SND1: variants seen among roughly 807,000 people sequenced by gnomAD.
SND1 encodes the protein staphylococcal nuclease and tudor domain containing 1.
A neutral mutation model predicts 121.7 loss-of-function variants in SND1; 38 were observed. That is an observed-to-expected ratio of 0.31 (90% CI 0.24 to 0.41). SND1 has a LOEUF of 0.41. SND1 is among the 10% of genes least tolerant of loss of function. SND1 has a pLI of 1.00. For synonymous variants in SND1, 401 were observed against 447.4 expected (o/e 0.90, Z 1.31); for missense variants, 868 against 1,184.6 (o/e 0.73, Z 3.92).
Position 127,977,587 on chromosome 7 carries a change from G to A in SND1, c.1670-13360G>A, listed in dbSNP as rs554818310. On this transcript the variant is annotated intron_variant, in intron 15 of 23. Coordinates refer to ENST00000354725, the MANE Select transcript of SND1 (RefSeq NM_014390.4). ...ATTAATCTGGTAGTAGATTAAGCTG[G>A]TAGTGTGTATAAAGAATAGTATGGT... Among the ~76,000 whole-genome samples, 21 of 152,264 alleles carry A rather than the reference G, an allele frequency of 1.4e-4. No homozygotes were observed. The South Asian group carries it at 4.1e-3, about 30-fold the overall frequency.
intron 9 of SND1, among the ~76,000 whole-genome samples, chr7:127,708,256 C>CT (rs1350553104): frequency 6.6e-6 from 1 of 152,056 alleles, no homozygotes; most frequent in East Asian, 1.9e-4. Context: ...GTAAACTAAC[C>CT]TAAGCAAAAG....
At chr7:127,686,196 T>C (rs1224385365) in intron 1 of SND1, among the ~76,000 whole-genome samples, 2 of 152,328 alleles carry the variant, frequency 1.3e-5, no homozygotes, top group South Asian at 2.1e-4. Context: ...GGCCACAGCT[T>C]CCCCTTTTCC....
chr7:127,931,896 A>G (rs1275822189), intron 15 of SND1, among the ~76,000 whole-genome samples: 3 of 151,444 alleles, frequency 2.0e-5, no homozygotes, highest in African/African-American at 4.9e-5. Flanking sequence ...TACTGCTCAG[A>G]AAAAAAAAGA....
intron 10 of SND1, among the ~76,000 whole-genome samples, chr7:127,752,341 T>C (rs553441329): frequency 6.8e-4 from 104 of 152,366 alleles, no homozygotes; most frequent in Non-Finnish European, 1.1e-3. Flanking sequence ...GTAATGCTTA[T>C]GTTCATCAGC....
chr7:127,833,410 A>G (rs1046970738), intron 11 of SND1, among the ~76,000 whole-genome samples: 4 of 151,838 alleles, frequency 2.6e-5, no homozygotes, highest in African/African-American at 9.7e-5. Context: ...GACTAAAGGC[A>G]CATACCACCA....
intron 15 of SND1, among the ~76,000 whole-genome samples, chr7:127,968,791 A>G (rs1801911813): frequency 6.6e-6 from 1 of 152,332 alleles, no homozygotes; most frequent in South Asian, 2.1e-4. Context: ...AACAGATCCA[A>G]CATCTCCTGA....
chr7:127,833,970 G>GT (rs146414745), intron 11 of SND1, among the ~76,000 whole-genome samples: 8,522 of 148,966 alleles, frequency 0.057, 674 homozygotes, highest in African/African-American at 0.18. Context: ...TTGTAAGTAA[G>GT]TTTTTTTTTT....
intron 10 of SND1, among the ~76,000 whole-genome samples, chr7:127,784,969 AGT>A: frequency 6.6e-6 from 1 of 152,130 alleles, no homozygotes; most frequent in East Asian, 1.9e-4. Context: ...CACAAGCTGG[AGT>A]GCAGTGGCAC....
At chr7:128,038,364 C>G (rs998076517) in intron 16 of SND1, among the ~76,000 whole-genome samples, 3 of 152,252 alleles carry the variant, frequency 2.0e-5, no homozygotes, top group African/African-American at 7.2e-5. Context: ...CTGCCTCTTA[C>G]ATACCGCGTA....
chr7:127,755,536 A>G (rs1436524431), intron 10 of SND1, among the ~76,000 whole-genome samples: 1 of 152,186 alleles, frequency 6.6e-6, no homozygotes, highest in Non-Finnish European at 1.5e-5. Flanking sequence ...ACCTCTCAAA[A>G]TATAATTCTG....
At position 128,092,008 on chromosome 7, in the gene SND1, T is replaced by C; in HGVS notation, c.2683T>C (p.Tyr895His). 1 of 1,614,146 alleles carries C rather than the reference T, an allele frequency of 6.2e-7. No homozygotes were observed. The highest frequency in any genetic ancestry group is 8.5e-7 in the Non-Finnish European group (1 of 1,179,988). Reference sequence around the variant, plus strand: ...TTTCTTACAGCTGAACCTGTGGCGCTATGGAGACTTTCGAGCTGATGATGC... The same window carrying C: ...TTTCTTACAGCTGAACCTGTGGCGCCATGGAGACTTTCGAGCTGATGATGC... ...AKSARLNLWR[Y>H]GDFRADDADE... Residue 895 changes from tyrosine (Y) to histidine (H), a missense_variant, in exon 24 of 24, where the codon TAT becomes CAT. By Grantham distance (83) the Tyr-to-His change is moderately conservative. Coordinates refer to ENST00000354725, the MANE Select transcript of SND1 (RefSeq NM_014390.4). The surrounding 1 kb of genome is among the most constrained non-coding windows in gnomAD (Gnocchi z 4.9).
At position 127,702,558 on chromosome 7, in the gene SND1, T is replaced by A. The variant is rs372042668; in HGVS notation, c.681+32T>A. ...CCATACTCTTGGCTACGTGGTGGGT[T>A]TAGAGTGTGTGGATGTTCAGTGATG... On this transcript the variant is annotated intron_variant, in intron 6 of 23. Transcript: ENST00000354725. 33 of 1,564,324 alleles carry A rather than the reference T, an allele frequency of 2.1e-5. No homozygotes were observed. In the Middle Eastern group the frequency reaches 8.4e-4, roughly 40 times the overall value.
chr7:127,799,517 G>A (rs1321909159), intron 10 of SND1, among the ~76,000 whole-genome samples: 1 of 152,192 alleles, frequency 6.6e-6, no homozygotes, highest in African/African-American at 2.4e-5. Context: ...GAAAGATTGA[G>A]AAATTGGAGG....
intron 10 of SND1, among the ~76,000 whole-genome samples, chr7:127,762,790 A>C (rs549735371): frequency 1.9e-4 from 29 of 152,372 alleles, no homozygotes; most frequent in African/African-American, 7.0e-4. Context: ...TTCAGTTAGT[A>C]GCTGTTACAG....
chr7:127,807,770 C>T (rs1041660639), intron 11 of SND1, among the ~76,000 whole-genome samples, 197 bp downstream of exon 11: 2 of 152,058 alleles, frequency 1.3e-5, no homozygotes, highest in Non-Finnish European at 2.9e-5. Context: ...AAATTGGGGC[C>T]CTGACCACAG....
chr7:127,957,722 T>A (rs760754600), intron 15 of SND1, among the ~76,000 whole-genome samples: 2 of 152,146 alleles, frequency 1.3e-5, no homozygotes, highest in African/African-American at 2.4e-5. Context: ...TTTTGTGAGA[T>A]GGAGTTTCGC....
At chr7:127,962,824 T>C (rs1340838256) in intron 15 of SND1, among the ~76,000 whole-genome samples, 13 of 152,216 alleles carry the variant, frequency 8.5e-5, no homozygotes, top group African/African-American at 4.8e-5. Context: ...CTTCATCCAC[T>C]GGACTTTCAG....
At chr7:127,831,737 T>A (rs1347273433) in intron 11 of SND1, among the ~76,000 whole-genome samples, 1 of 152,250 alleles carries the variant, frequency 6.6e-6, no homozygotes, top group East Asian at 1.9e-4. Flanking sequence ...TTTGTGTTTT[T>A]TGCTGTTTTT....
intron 10 of SND1, among the ~76,000 whole-genome samples, chr7:127,747,062 G>T (rs1358813491): frequency 6.6e-6 from 1 of 152,180 alleles, no homozygotes; most frequent in Non-Finnish European, 1.5e-5. Flanking sequence ...TTTGCATTCA[G>T]CATGCATGAG....
Sources: allele counts gnomAD v4.1 joint callset (sites outside exome capture counted in the v4.1 genomes callset), GRCh38; gene constraint gnomAD v4.1.1; non-coding constraint Gnocchi (gnomAD v3.1); transcripts MANE v1.5; gene names NCBI Gene and HGNC (gene_info 2026-07-23, HGNC 2026-07-21).